Variants in PCDH8 observed in about 807,000 individuals in gnomAD.
The protein encoded by PCDH8 is protocadherin 8.
Under a neutral mutation model 58.2 loss-of-function variants are expected in PCDH8, and 36 were observed. That is an observed-to-expected ratio of 0.62 (90% confidence interval 0.47 to 0.82). PCDH8 has a LOEUF of 0.82. Ranked by LOEUF, PCDH8 falls within the 40% of genes least tolerant of loss-of-function variation. The probability of loss-of-function intolerance (pLI) is 0.00; values close to 1 mark genes in which losing one functional copy is unlikely to be tolerated. For synonymous variants in PCDH8, 775 were observed against 728.9 expected (o/e 1.06, Z -1.02); for missense variants, 1,493 against 1,567.8 (o/e 0.95, Z 0.81).
chr13:52,847,203 C>A lies in PCDH8; in HGVS notation c.1234G>T (p.Ala412Ser). ...PEGAARESLV[A>S]LVSTSDRDSG... ...TCCCTGTCCGAGGTGCTGACCAGGG[C>A]CACCAGGCTCTCGCGCGCCGCCCCC... The change falls in exon 1 of 3, where the codon GCC becomes TCC. Residue 412 changes from alanine (A) to serine (S), a missense_variant. This residue lies in a region of PCDH8 where 1,307 missense variants were observed against 1,362.7 expected (regional missense o/e 0.96). Transcript: ENST00000377942. The A allele has an allele frequency of 7.0e-7, 1 of 1,426,364 alleles. No individual in the cohort carries two copies. The highest frequency in any genetic ancestry group is 2.9e-5 in the Admixed American group (1 of 34,206). The allele number at this position is 1,426,364 out of a possible 1,614,324, so 88.4% of individuals were successfully genotyped here.
chr13:52,848,246 C>T lies in PCDH8; in HGVS notation c.191G>A (p.Arg64His), dbSNP rs765990562. 6.2e-7 allele frequency: 1 copy of T among 1,613,518 alleles called. No individual in the cohort carries two copies. Among genetic ancestry groups the T allele is most frequent in the East Asian group, 2.2e-5 (1 of 44,894 alleles). The change falls in exon 1 of 3, where the codon CGC (arginine) becomes CAC (histidine). Residue 64 changes from arginine (R) to histidine (H), a missense_variant. Coordinates refer to ENST00000377942, the MANE Select transcript of PCDH8 (RefSeq NM_002590.4). ...HMKVSGDTSF[R>H]LMKQFNSSLL... ...AGAGCTGTTGAATTGCTTCATCAGG[C>T]GGAAGCTTGTGTCACCCGATACTTT... is the stretch of plus-strand genomic sequence containing the variant.
rs1255068981 is a variant in PCDH8 at position 52,847,222 on chromosome 13, C to A, written c.1215G>T (p.Ala405=). ...AGATSLVPEG[A]ARESLVALVS... is the part of the protein sequence containing the mutation. The stretch of plus-strand genomic sequence containing the variant: ...CCAGGGCCACCAGGCTCTCGCGCGC[C>A]GCCCCCTCCGGCACCAGCGAAGTGG... The change falls in exon 1 of 3, where the codon GCG becomes GCT. Residue 405 remains alanine (A), a synonymous_variant. Transcript: ENST00000377942. 2.0e-5 allele frequency: 28 copies of A among 1,400,882 alleles called. No individual in the cohort carries two copies. The highest frequency in any genetic ancestry group is 2.5e-5 in the Non-Finnish European group (27 of 1,085,012). 86.8% of individuals were successfully genotyped at this position (1,400,882 alleles called of 1,614,324 possible).
rs1218161940 is a variant in PCDH8, at chr13:52,848,173, G to A, written c.264C>T (p.Ala88=). ...EGDGQLTVGD[A]GLDRERLCGQ... is the part of the protein sequence containing the mutation. Reference sequence around the variant, plus strand: ...CACACAGCCGCTCGCGGTCCAGGCCGGCGTCCCCGACGGTCAGCTGCCCGT... The same window carrying A: ...CACACAGCCGCTCGCGGTCCAGGCCAGCGTCCCCGACGGTCAGCTGCCCGT... The change falls in exon 1 of 3, where the codon GCC becomes GCT. Residue 88 remains alanine, a synonymous_variant. Coordinates refer to ENST00000377942, the MANE Select transcript of PCDH8 (RefSeq NM_002590.4). 7 of 1,612,504 alleles carry A rather than the reference G, an allele frequency of 4.3e-6. No individual in the cohort carries two copies. The highest frequency in any genetic ancestry group is 1.3e-5 in the African/African-American group (1 of 75,052).
In PCDH8 at chr13:52,845,406, G is replaced by A; in HGVS notation, c.2839+19C>T. 1 of 1,611,710 alleles carries A rather than the reference G, an allele frequency of 6.2e-7. No homozygotes were observed. Among genetic ancestry groups the A allele is most frequent in the Non-Finnish European group, 8.5e-7 (1 of 1,177,840 alleles). On this transcript the variant is annotated intron_variant, in intron 2 of 2. Coordinates refer to ENST00000377942, the MANE Select transcript of PCDH8 (RefSeq NM_002590.4). Reference sequence around the variant, plus strand: ...GGAAGGGAGGAATGCCGAATTTGGCGGGAAAGAAGAGTCCTCACCACTCTG... The same window carrying A: ...GGAAGGGAGGAATGCCGAATTTGGCAGGAAAGAAGAGTCCTCACCACTCTG...
chr13:52,845,335 G>C (rs549697877), intron 2 of PCDH8, 90 bp downstream of exon 2: 1 of 1,205,174 alleles, frequency 8.3e-7, no homozygotes, highest in East Asian at 2.4e-5. Flanking sequence ...GAGGGAAGGG[G>C]GCTGGGAACC....
chr13:52,845,029 A>C (rs888861014), intron 2 of PCDH8, 96 bp from the exon 3 acceptor site: 6 of 1,354,240 alleles, frequency 4.4e-6, no homozygotes, highest in Non-Finnish European at 5.0e-6. Flanking sequence ...GGGTCAGGGC[A>C]GCTGAAAGGA....
Position 52,848,287 on chromosome 13 carries a change from G to A in PCDH8, c.150C>T (p.Ala50=), listed in dbSNP as rs746381982. The A allele has an allele frequency of 1.2e-6, 2 of 1,613,610 alleles. No homozygotes were observed. The highest frequency in any genetic ancestry group is 2.2e-5 in the South Asian group (2 of 91,082). ...CCGATACTTTCATATGCAGGTCCTC[G>A]GCCAGGGTCCCGATGACCGTGCCGG... ...DAPGTVIGTL[A]EDLHMKVSGD... Residue 50 remains alanine, a synonymous_variant, in exon 1 of 3, where the codon GCC becomes GCT. Transcript: ENST00000377942.
rs751145802 is a variant in PCDH8, at chr13:52,844,829, C to T, written c.2944G>A (p.Ala982Thr). Residue 982 changes from alanine to threonine, a missense_variant, in exon 3 of 3, where the codon GCC (alanine) becomes ACC (threonine). Physicochemically the swap from Ala to Thr is moderately conservative, Grantham distance 58. Around this residue, in one of 3 missense-constraint regions of PCDH8, gnomAD observed 182 missense variants for 178.9 expected, o/e 1.02. Coordinates refer to ENST00000377942, the MANE Select transcript of PCDH8 (RefSeq NM_002590.4). ...CTCTTACAGAAGGTTGACATCTGGG[C>T]TGGTGGGTGAGGCGATGGATGTGCG... is the stretch of plus-strand genomic sequence containing the variant. ...PNAHPSPHPP[A>T]QMSTFCKSTS... 2 of 1,612,074 alleles carry T rather than the reference C, an allele frequency of 1.2e-6. No individual in the cohort carries two copies. The highest frequency in any genetic ancestry group is 1.7e-6 in the Non-Finnish European group (2 of 1,179,078).
In PCDH8 at chr13:52,846,882, C is replaced by G; in HGVS notation, c.1555G>C (p.Val519Leu). 6.4e-7 allele frequency: 1 copy of G among 1,559,994 alleles called. No homozygotes were observed. The highest frequency in any genetic ancestry group is 8.6e-7 in the Non-Finnish European group (1 of 1,156,656). ...CCCAGGTCCCGGTCGCGGGCGGCCA[C>G]CGTGGCCAGGTAGGCGCCTGGCGGG... ...NNPPGAYLAT[V>L]AARDRDLGRN... is the part of the protein sequence containing the mutation. The change falls in exon 1 of 3, where the codon GTG (valine) becomes CTG (leucine). Residue 519 changes from valine to leucine, a missense_variant. Around this residue, in one of 3 missense-constraint regions of PCDH8, gnomAD observed 1,307 missense variants for 1,362.7 expected, o/e 0.96. Transcript: ENST00000377942.
chr13:52,843,402 T>C lies in PCDH8; in HGVS notation c.*1158A>G, dbSNP rs1485646700. 1 of 152,198 alleles carries C rather than the reference T, an allele frequency of 6.6e-6. No individual in the cohort carries two copies. The highest frequency in any genetic ancestry group is 1.5e-5 in the Non-Finnish European group (1 of 68,040). The allele number at this position is 152,198 out of a possible 1,614,324, so 9.4% of individuals were successfully genotyped here. On this transcript the variant is annotated 3_prime_UTR_variant, in exon 3 of 3. Coordinates refer to ENST00000377942, the MANE Select transcript of PCDH8 (RefSeq NM_002590.4). ...TTTAAAGCGAATCCCAAACATCATG[T>C]CATTTTGCCCATAAATTTGAGTGGA...
chr13:52,848,524 G>GAGA lies in PCDH8; in HGVS notation c.-89_-88insTCT. On this transcript the variant is annotated 5_prime_UTR_variant, in exon 1 of 3. Coordinates refer to ENST00000377942, the MANE Select transcript of PCDH8 (RefSeq NM_002590.4). ...GTCAGTCTCAGGCTCTCGGAATCAC[G>GAGA]CTCTTTGCGAGCCCTGTGCGGGAGA... 2.7e-6 allele frequency: 4 copies of GAGA among 1,471,436 alleles called. No homozygotes were observed. The highest frequency in any genetic ancestry group is 3.6e-6 in the Non-Finnish European group (4 of 1,117,464). 91.1% of individuals were successfully genotyped at this position (1,471,436 alleles called of 1,614,324 possible).
Position 52,846,982 on chromosome 13 carries a change from C to A in PCDH8, c.1455G>T (p.Val485=). ...CGTTGTCGTTCTCGTCGCCCACACG[C>A]ACCGTGTAGGGCCGCACTGTGCGCA... ...PPLRTVRPYT[V]RVGDENDNAP... is the part of the protein sequence containing the mutation. The change falls in exon 1 of 3, where the codon GTG becomes GTT. Residue 485 remains valine (V), a synonymous_variant. Transcript: ENST00000377942. 1 of 1,593,854 alleles carries A rather than the reference C, an allele frequency of 6.3e-7. No homozygotes were observed. Among genetic ancestry groups the A allele is most frequent in the South Asian group, 1.1e-5 (1 of 88,872 alleles).
rs1965702633 is a variant in PCDH8 at position 52,844,746 on chromosome 13, G to C, written c.3027C>G (p.Pro1009=). 6.2e-7 allele frequency: 1 copy of C among 1,613,348 alleles called. No individual in the cohort carries two copies. The highest frequency in any genetic ancestry group is 1.3e-5 in the African/African-American group (1 of 74,892). Residue 1009 remains proline (P), a synonymous_variant, in exon 3 of 3, where the codon CCC becomes CCG. Transcript: ENST00000377942. ...RRDNYYQAQL[P]KTVGLQSVYE... is the part of the protein sequence containing the mutation. Reference sequence around the variant, plus strand: ...AGACGCTCTGCAGCCCCACTGTCTTGGGCAGCTGGGCCTGGTAGTAATTGT... The same window carrying C: ...AGACGCTCTGCAGCCCCACTGTCTTCGGCAGCTGGGCCTGGTAGTAATTGT...
rs1011159843 is a variant in PCDH8, at chr13:52,845,613, C to T, written c.2651G>A (p.Gly884Asp). 4 of 1,613,938 alleles carry T rather than the reference C, an allele frequency of 2.5e-6. No individual in the cohort carries two copies. The highest frequency in any genetic ancestry group is 3.3e-5 in the Admixed American group (2 of 60,006). The part of the protein sequence containing the change: ...AHAEPYGASP[G>D]FGKEPAPPVA... ...AGGGGGCGCCGGCTCCTTTCCAAAA[C>T]CCGGGGAGGCACCGTAGGGCTGCAG... The change falls in exon 2 of 3, where the codon GGT becomes GAT. Residue 884 changes from glycine to aspartate, a missense_variant. Coordinates refer to ENST00000377942, the MANE Select transcript of PCDH8 (RefSeq NM_002590.4).
chr13:52,846,088 T>A lies in PCDH8; in HGVS notation c.2349A>T (p.Lys783Asn), dbSNP rs571170434. The A allele has an allele frequency of 3.3e-5, 52 of 1,573,542 alleles. No individual in the cohort carries two copies. The highest frequency in any genetic ancestry group is 2.5e-4 in the South Asian group (22 of 87,652). Residue 783 changes from lysine (K) to asparagine (N), a missense_variant, in exon 1 of 3, where the codon AAA (lysine) becomes AAT (asparagine). Lys to Asn is a moderately conservative substitution (Grantham distance 94, BLOSUM62 0). Coordinates refer to ENST00000377942, the MANE Select transcript of PCDH8 (RefSeq NM_002590.4). ...TCNRRKKEVRKGGALREERPG... is the reference protein window; with the variant it reads ...TCNRRKKEVRNGGALREERPG... ...GCCGCTCTTCCCGGAGGGCCCCCCC[T>A]TTGCGCACCTCCTTCTTGCGGCGGT...
At chr13:52,844,985 C>T (rs1202462906) in intron 2 of PCDH8, 52 bp from the exon 3 acceptor site, 1 of 1,501,188 alleles carries the variant, frequency 6.7e-7, no homozygotes, top group Non-Finnish European at 8.9e-7. Flanking sequence ...TGAGATTATA[C>T]ATATTCAGGC....
At position 52,847,753 on chromosome 13, in the gene PCDH8, C is replaced by G; in HGVS notation, c.684G>C (p.Thr228=). The change falls in exon 1 of 3, where the codon ACG becomes ACC. Residue 228 remains threonine, a synonymous_variant. Transcript: ENST00000377942. The part of the protein sequence containing the change: ...QDGGRPPRSA[T]AALSVRVLDA... ...CCAGGACGCGCACGCTGAGGGCAGCCGTGGCGGAGCGCGGCGGGCGGCCGC... is the reference window on the plus strand; with the variant it reads ...CCAGGACGCGCACGCTGAGGGCAGCGGTGGCGGAGCGCGGCGGGCGGCCGC... 6.8e-7 allele frequency: 1 copy of G among 1,472,316 alleles called. No individual in the cohort carries two copies. The highest frequency in any genetic ancestry group is 2.6e-5 in the East Asian group (1 of 38,028). The allele number at this position is 1,472,316 out of a possible 1,614,324, so 91.2% of individuals were successfully genotyped here.
At position 52,847,478 on chromosome 13, in the gene PCDH8, T is replaced by C. The variant is rs915379240; in HGVS notation, c.959A>G (p.Tyr320Cys). ...GPVDYERQDT[Y>C]ELDVRAQDRG... Reference sequence around the variant, plus strand: ...GTCCTGCGCCCGCACGTCCAGCTCGTAGGTGTCCTGACGCTCGTAGTCCAC... The same window carrying C: ...GTCCTGCGCCCGCACGTCCAGCTCGCAGGTGTCCTGACGCTCGTAGTCCAC... The change falls in exon 1 of 3, where the codon TAC (tyrosine) becomes TGC (cysteine). Residue 320 changes from tyrosine (Y) to cysteine (C), a missense_variant. By Grantham distance (194) the Tyr-to-Cys change is radical (BLOSUM62 -2). Transcript: ENST00000377942. 2.5e-6 allele frequency: 4 copies of C among 1,592,302 alleles called. No homozygotes were observed. The highest frequency in any genetic ancestry group is 1.4e-5 in the African/African-American group (1 of 72,776).
chr13:52,847,522 G>A lies in PCDH8; in HGVS notation c.915C>T (p.Arg305=), dbSNP rs1965761633. The A allele has an allele frequency of 6.3e-7, 1 of 1,583,402 alleles. No homozygotes were observed. ...RLFRLDPRSG[R]LTLAGPVDYE... ...AGTCCACGGGCCCGGCCAGGGTGAG[G>A]CGGCCTGATCGCGGGTCAAGCCGAA... The change falls in exon 1 of 3, where the codon CGC becomes CGT. Residue 305 remains arginine (R), a synonymous_variant. Transcript: ENST00000377942.
Sources: allele counts gnomAD v4.1 joint callset, GRCh38; gene constraint gnomAD v4.1.1; regional missense constraint gnomAD v4.1.1; transcripts MANE v1.5; gene names NCBI Gene and HGNC (gene_info 2026-07-23, HGNC 2026-07-21).